TMEM266: variants seen among roughly 807,000 people sequenced by gnomAD.
TMEM266 encodes the protein Hv1 related protein 1.
Under a neutral mutation model 50.5 loss-of-function variants are expected in TMEM266, and 33 were observed. That is an observed-to-expected ratio of 0.65 (90% confidence interval 0.50 to 0.87). The LOEUF (loss-of-function observed/expected upper bound fraction) is 0.87. Among genes scored for constraint, TMEM266 ranks in the 40% least tolerant of loss-of-function variants. TMEM266 has a pLI of 0.00. For synonymous variants in TMEM266, 310 were observed against 292.3 expected (o/e 1.06, Z -0.62); for missense variants, 655 against 695.1 (o/e 0.94, Z 0.65).
intron 1 of TMEM266, among the ~76,000 whole-genome samples, chr15:76,096,778 A>G (rs1004778706): frequency 2.6e-5 from 4 of 151,932 alleles, no homozygotes; most frequent in African/African-American, 9.7e-5. Flanking sequence ...TGCTTTATGA[A>G]TCTGGGTGCT....
intron 1 of TMEM266, among the ~76,000 whole-genome samples, chr15:76,103,128 G>C (rs1257354347): frequency 1.3e-5 from 2 of 152,100 alleles, no homozygotes; most frequent in Non-Finnish European, 2.9e-5. Flanking sequence ...GGATGAGAGA[G>C]GTGGTGAGCA....
intron 1 of TMEM266, among the ~76,000 whole-genome samples, chr15:76,064,978 C>T (rs1243990034): frequency 6.6e-6 from 1 of 152,212 alleles, no homozygotes; most frequent in Non-Finnish European, 1.5e-5. Context: ...GGCCAATTAA[C>T]CTTCTGCCCA....
chr15:76,163,813 CCTT>C (rs1278436707), intron 5 of TMEM266, among the ~76,000 whole-genome samples: 1 of 152,234 alleles, frequency 6.6e-6, no homozygotes, highest in Admixed American at 6.5e-5. Flanking sequence ...CCGCGGCTGG[CCTT>C]CTAGACAGGA....
At position 76,120,243 on chromosome 15, in the gene TMEM266, A is replaced by G. The variant is rs77546174; in HGVS notation, c.-96-13925A>G. 7.9e-3 allele frequency among the ~76,000 whole-genome samples: 1,195 copies of G among 152,180 alleles called. 16 individuals carry two copies. Among genetic ancestry groups the G allele is most frequent in the African/African-American group, 0.028 (1,145 of 41,514 alleles). Reference sequence around the variant, plus strand: ...AAAAATCTAAAAAGAAACCGTATCAATGGGGCAATTTTTAACTAAATTATG... The same window carrying G: ...AAAAATCTAAAAAGAAACCGTATCAGTGGGGCAATTTTTAACTAAATTATG... On this transcript the variant is annotated intron_variant, in intron 1 of 10. Coordinates refer to ENST00000388942, the MANE Select transcript of TMEM266 (RefSeq NM_152335.3).
At chr15:76,149,769 A>T (rs1279480030) in intron 3 of TMEM266, among the ~76,000 whole-genome samples, 1 of 152,246 alleles carries the variant, frequency 6.6e-6, no homozygotes, top group Non-Finnish European at 1.5e-5. Context: ...TGCCTTTTAA[A>T]GCAACTAGAC....
intron 1 of TMEM266, among the ~76,000 whole-genome samples, chr15:76,067,151 G>A (rs1289239533): frequency 2.0e-5 from 3 of 152,164 alleles, no homozygotes; most frequent in African/African-American, 7.2e-5. Flanking sequence ...GTCAAATGAA[G>A]ATGAAGATTG....
At chr15:76,067,290 A>G (rs1432180801) in intron 1 of TMEM266, among the ~76,000 whole-genome samples, 4 of 152,208 alleles carry the variant, frequency 2.6e-5, no homozygotes, top group Non-Finnish European at 5.9e-5. Flanking sequence ...AATGCAGACC[A>G]TCTTCTTACT....
At chr15:76,062,520 G>C (rs537674227) in intron 1 of TMEM266, among the ~76,000 whole-genome samples, 31 of 152,318 alleles carry the variant, frequency 2.0e-4, no homozygotes, top group African/African-American at 6.0e-4. Context: ...TCCAGTCTAT[G>C]ATCAGATAAA....
intron 1 of TMEM266, among the ~76,000 whole-genome samples, chr15:76,101,735 C>G (rs554835077): frequency 6.6e-6 from 1 of 152,234 alleles, no homozygotes; most frequent in Non-Finnish European, 1.5e-5. Flanking sequence ...ACACCGCTCC[C>G]ACCTCCTTTA....
In TMEM266 at chr15:76,153,157, C is replaced by T. The variant is rs138641664; in HGVS notation, c.228-3447C>T. ...AACAAAAAAAAAAAGAAGAAAAAAACGACATTTTAAACAGCAATATAAATT... is the reference window on the plus strand; with the variant it reads ...AACAAAAAAAAAAAGAAGAAAAAAATGACATTTTAAACAGCAATATAAATT... On this transcript the variant is annotated intron_variant, in intron 3 of 10. Coordinates refer to ENST00000388942, the MANE Select transcript of TMEM266 (RefSeq NM_152335.3). The surrounding 1 kb of genome is among the most constrained non-coding windows in gnomAD (Gnocchi z 4.2). Among the ~76,000 whole-genome samples, 128 of 151,754 alleles carry T rather than the reference C, an allele frequency of 8.4e-4. 1 individual carries two copies. The highest frequency in any genetic ancestry group is 2.8e-3 in the African/African-American group (116 of 41,366).
chr15:76,184,150 C>T (rs1005166802), intron 8 of TMEM266, among the ~76,000 whole-genome samples: 1 of 152,220 alleles, frequency 6.6e-6, no homozygotes, highest in Non-Finnish European at 1.5e-5. Context: ...CTGGCTCATT[C>T]CAGAGAGCTC....
chr15:76,126,425 A>G (rs939952896), intron 1 of TMEM266, among the ~76,000 whole-genome samples: 1 of 150,786 alleles, frequency 6.6e-6, no homozygotes, highest in Non-Finnish European at 1.5e-5. Context: ...CAGCCTTTAA[A>G]AAGAGCTCAA....
chr15:76,193,478 T>C (rs1412668804), intron 9 of TMEM266, among the ~76,000 whole-genome samples: 1 of 152,138 alleles, frequency 6.6e-6, no homozygotes, highest in Non-Finnish European at 1.5e-5. Context: ...GCCTCAGCCA[T>C]GGAAAGTGCT....
intron 4 of TMEM266, among the ~76,000 whole-genome samples, chr15:76,157,621 A>G (rs886691798): frequency 1.3e-5 from 2 of 152,196 alleles, no homozygotes; most frequent in Non-Finnish European, 2.9e-5. Flanking sequence ...TTGGATAAGT[A>G]AGTGGTTTCT....
In TMEM266 at chr15:76,204,814, G is replaced by C. The variant is rs903708666; in HGVS notation, c.*499G>C. ...TGTCCTCATTCTCATTCCAGCATGAGCGTTTCTGAGTCTCTTCAAGACGAA... is the reference window on the plus strand; with the variant it reads ...TGTCCTCATTCTCATTCCAGCATGACCGTTTCTGAGTCTCTTCAAGACGAA... On this transcript the variant is annotated 3_prime_UTR_variant, in exon 11 of 11. Coordinates refer to ENST00000388942, the MANE Select transcript of TMEM266 (RefSeq NM_152335.3). 6.5e-5 allele frequency: 10 copies of C among 153,636 alleles called. No homozygotes were observed. The allele number at this position is 153,636 out of a possible 1,614,324, so 9.5% of individuals were successfully genotyped here.
chr15:76,159,844 G>C (rs189986672), intron 4 of TMEM266, among the ~76,000 whole-genome samples: 1 of 151,852 alleles, frequency 6.6e-6, no homozygotes. Flanking sequence ...GGCGGCCTGT[G>C]GGGGAGAAGG....
At chr15:76,134,396 C>A in intron 2 of TMEM266, 95 bp downstream of exon 2, 1 of 1,355,624 alleles carries the variant, frequency 7.4e-7, no homozygotes, top group Non-Finnish European at 1.0e-6. Context: ...CCACTATGTA[C>A]ATTTCCTTTA....
At chr15:76,195,346 C>G (rs1384291055) in intron 9 of TMEM266, among the ~76,000 whole-genome samples, 1 of 152,230 alleles carries the variant, frequency 6.6e-6, no homozygotes, top group East Asian at 1.9e-4. Context: ...ATAAGGCTGT[C>G]TGACATCACT....
intron 1 of TMEM266, among the ~76,000 whole-genome samples, chr15:76,128,771 C>G (rs114530279): frequency 1.3e-5 from 2 of 152,222 alleles, no homozygotes; most frequent in African/African-American, 2.4e-5. Context: ...ATTTTACCAT[C>G]TTTTCCTCCC....
Sources: allele counts gnomAD v4.1 joint callset (sites outside exome capture counted in the v4.1 genomes callset), GRCh38; gene constraint gnomAD v4.1.1; non-coding constraint Gnocchi (gnomAD v3.1); transcripts MANE v1.5; gene names NCBI Gene and HGNC (gene_info 2026-07-23, HGNC 2026-07-21).